The following ADAMTS12 variants were observed in gnomAD, a reference collection of about 807,000 sequenced individuals.
ADAMTS12 encodes the protein ADAM metallopeptidase with thrombospondin type 1 motif 12.
ADAMTS12 carries 118 observed loss-of-function variants against 167.8 expected under a neutral mutation model. That is an observed-to-expected ratio of 0.70 (90% CI 0.61 to 0.82). ADAMTS12 has a LOEUF of 0.82. Ranked by LOEUF, ADAMTS12 falls within the 40% of genes least tolerant of loss-of-function variation. ADAMTS12 has a pLI of 0.00. For synonymous variants in ADAMTS12, 704 were observed against 716.9 expected, an observed-to-expected ratio of 0.98 and a Z score of 0.29; for missense variants, 1,916 against 1,998.8, an observed-to-expected ratio of 0.96 and a Z score of 0.79.
chr5:33,581,965 G>A (rs1269900247), intron 18 of ADAMTS12, among the ~76,000 whole-genome samples: 1 of 152,086 alleles, frequency 6.6e-6, no homozygotes, highest in Non-Finnish European at 1.5e-5. Context: ...CAGAAGCTGG[G>A]GGAAAGGCGT....
intron 5 of ADAMTS12, among the ~76,000 whole-genome samples, chr5:33,671,899 T>TCCACATACTCACATACACACACAC (rs1435350674): frequency 1.8e-4 from 20 of 113,000 alleles, no homozygotes; most frequent in Admixed American, 3.6e-4. Context: ...CCCACACACA[T>TCCACATACTCACATACACACACAC]CCACATACTC....
chr5:33,569,738 T>A lies in ADAMTS12; in HGVS notation c.3972+6316A>T, dbSNP rs552975406. ...TTCCTCACCAGCAATGGAACAAAGC[T>A]GGATGGAGAATGATTTTGATGAGTT... On this transcript the variant is annotated intron_variant, in intron 19 of 23. Coordinates refer to ENST00000504830, the MANE Select transcript of ADAMTS12 (RefSeq NM_030955.4). 1.2e-4 allele frequency among the ~76,000 whole-genome samples: 18 copies of A among 152,310 alleles called. No individual in the cohort carries two copies. In the South Asian group the frequency reaches 3.5e-3, roughly 30 times the overall value.
chr5:33,607,055 A>G (rs535391870), intron 16 of ADAMTS12, among the ~76,000 whole-genome samples: 66 of 152,336 alleles, frequency 4.3e-4, no homozygotes, highest in African/African-American at 1.5e-3. Flanking sequence ...AATTAAACAG[A>G]TTCAACACTC....
At chr5:33,600,723 G>A (rs543962149) in intron 16 of ADAMTS12, among the ~76,000 whole-genome samples, 3 of 152,118 alleles carry the variant, frequency 2.0e-5, no homozygotes, top group Non-Finnish European at 4.4e-5. Flanking sequence ...ACCAGTACAA[G>A]TTAAATTGCA....
At chr5:33,609,984 C>T (rs188574495) in intron 16 of ADAMTS12, among the ~76,000 whole-genome samples, 188 of 151,676 alleles carry the variant, frequency 1.2e-3, no homozygotes, top group African/African-American at 4.1e-3. Flanking sequence ...GCTCGAGACC[C>T]GCCTGACCAA....
At chr5:33,795,125 A>G (rs1450214004) in intron 2 of ADAMTS12, among the ~76,000 whole-genome samples, 1 of 152,234 alleles carries the variant, frequency 6.6e-6, no homozygotes, top group Non-Finnish European at 1.5e-5. Flanking sequence ...GCTGGAAATA[A>G]TTTCTCTATA....
At chr5:33,727,995 C>G (rs547173211) in intron 3 of ADAMTS12, among the ~76,000 whole-genome samples, 1 of 152,230 alleles carries the variant, frequency 6.6e-6, no homozygotes, top group Admixed American at 6.5e-5. Context: ...GCAGATTGAG[C>G]AAAAGCATGA....
In ADAMTS12 at chr5:33,813,539, A is replaced by C. The variant is rs533147072; in HGVS notation, c.490-61991T>G. Among the ~76,000 whole-genome samples the C allele has an allele frequency of 2.6e-5, 4 of 152,336 alleles. No individual in the cohort carries two copies. In the East Asian group the frequency reaches 7.7e-4, roughly 29 times the overall value. On this transcript the variant is annotated intron_variant, in intron 2 of 23. Transcript: ENST00000504830. ...GGCTAAGCCATTGACTACTTTGATC[A>C]GTAGAATACAGTAGAAATTATGCAC...
intron 3 of ADAMTS12, among the ~76,000 whole-genome samples, chr5:33,750,027 C>T (rs960765264): frequency 6.6e-6 from 1 of 152,192 alleles, no homozygotes; most frequent in Admixed American, 6.5e-5. Flanking sequence ...GGTATAAAAT[C>T]ACAAAGTGTT....
chr5:33,668,745 A>G (rs1172248246), intron 5 of ADAMTS12, among the ~76,000 whole-genome samples: 4 of 152,114 alleles, frequency 2.6e-5, no homozygotes, highest in East Asian at 1.9e-4. Context: ...TGGCCTCCCA[A>G]AGGGCTGGGA....
At chr5:33,624,206 C>A (rs1739468966) in intron 14 of ADAMTS12, 25 bp downstream of exon 14, 2 of 1,613,492 alleles carry the variant, frequency 1.2e-6, no homozygotes, top group Non-Finnish European at 1.7e-6. Flanking sequence ...TCCCCTGCCA[C>A]TTCGATTATT....
At chr5:33,716,403 A>C (rs555885841) in intron 3 of ADAMTS12, among the ~76,000 whole-genome samples, 7 of 152,270 alleles carry the variant, frequency 4.6e-5, no homozygotes, top group African/African-American at 1.4e-4. Context: ...AAAGACACAA[A>C]ATAACCCTAA....
chr5:33,850,213 G>T (rs1749170541), intron 2 of ADAMTS12, among the ~76,000 whole-genome samples: 3 of 152,104 alleles, frequency 2.0e-5, no homozygotes. Flanking sequence ...GGTTAAGCAG[G>T]TGAAAGGGGA....
intron 2 of ADAMTS12, among the ~76,000 whole-genome samples, chr5:33,808,775 A>G (rs191039636): frequency 6.6e-6 from 1 of 152,344 alleles, no homozygotes; most frequent in East Asian, 1.9e-4. Flanking sequence ...AACTCCTTTC[A>G]CAGATGAAGA....
chr5:33,569,939 C>T (rs528475869), intron 19 of ADAMTS12, among the ~76,000 whole-genome samples: 12 of 152,176 alleles, frequency 7.9e-5, no homozygotes, highest in African/African-American at 2.2e-4. Flanking sequence ...TCAAGAACTA[C>T]GTGAAGAATG....
At chr5:33,711,650 A>G (rs531776547) in intron 3 of ADAMTS12, among the ~76,000 whole-genome samples, 1 of 152,256 alleles carries the variant, frequency 6.6e-6, no homozygotes, top group Admixed American at 6.5e-5. Flanking sequence ...TGTACAATCA[A>G]TGTTAATAAA....
At chr5:33,712,341 C>T (rs1743431477) in intron 3 of ADAMTS12, among the ~76,000 whole-genome samples, 1 of 152,136 alleles carries the variant, frequency 6.6e-6, no homozygotes, top group Admixed American at 6.6e-5. Flanking sequence ...ACATACCACC[C>T]TCAAGAAGTA....
chr5:33,578,414 C>T (rs1746872099), intron 18 of ADAMTS12, among the ~76,000 whole-genome samples: 4 of 152,158 alleles, frequency 2.6e-5, no homozygotes, highest in Admixed American at 2.6e-4. Context: ...ACCCCCATCC[C>T]CAAACCTAGT....
At chr5:33,827,757 A>G (rs1202270970) in intron 2 of ADAMTS12, among the ~76,000 whole-genome samples, 1 of 140,296 alleles carries the variant, frequency 7.1e-6, no homozygotes, top group Non-Finnish European at 1.6e-5. Flanking sequence ...ATAGATAGAT[A>G]GATAGAATGT....
Sources: allele counts gnomAD v4.1 joint callset (sites outside exome capture counted in the v4.1 genomes callset), GRCh38; gene constraint gnomAD v4.1.1; transcripts MANE v1.5; gene names NCBI Gene and HGNC (gene_info 2026-07-23, HGNC 2026-07-21).